Variants in GRK5 observed in about 807,000 individuals in gnomAD.
The protein encoded by GRK5 is G protein-coupled receptor kinase 5.
A neutral mutation model predicts 78.4 loss-of-function variants in GRK5; 40 were observed. That is an observed-to-expected ratio of 0.51 (90% CI 0.40 to 0.66). The LOEUF is 0.66. Ranked by LOEUF, GRK5 falls within the 30% of genes least tolerant of loss-of-function variation. GRK5 has a pLI of 0.00. For missense variants in GRK5, 598 were observed against 759.9 expected (o/e 0.79, Z 2.50); for synonymous variants, 289 against 296.8 (o/e 0.97, Z 0.27).
At chr10:119,221,235 C>T (rs573038482) in intron 1 of GRK5, among the ~76,000 whole-genome samples, 1 of 152,172 alleles carries the variant, frequency 6.6e-6, no homozygotes, top group Non-Finnish European at 1.5e-5. Context: ...AATCCCACCA[C>T]TCAGAAATAA....
At position 119,387,703 on chromosome 10, in the gene GRK5, T is replaced by C. The variant is rs573319795; in HGVS notation, c.261+6776T>C. 3.3e-5 allele frequency among the ~76,000 whole-genome samples: 5 copies of C among 152,344 alleles called. No individual in the cohort carries two copies. In the East Asian group the frequency reaches 9.6e-4, roughly 29 times the overall value. ...CTGTTCCCTGGGAGCCTTGACCACA[T>C]GCTGGCTCATTTGAAACCATCTTAT... On this transcript the variant is annotated intron_variant, in intron 3 of 15. Transcript: ENST00000392870.
At chr10:119,287,807 C>A (rs987524427) in intron 1 of GRK5, among the ~76,000 whole-genome samples, 6 of 152,200 alleles carry the variant, frequency 3.9e-5, no homozygotes, top group Middle Eastern at 3.2e-3. Flanking sequence ...GATGTGTGTG[C>A]AAGGCTGGCA....
chr10:119,305,995 G>T (rs180839097), intron 1 of GRK5, among the ~76,000 whole-genome samples: 3 of 152,286 alleles, frequency 2.0e-5, no homozygotes, highest in African/African-American at 7.2e-5. Context: ...AGCCACCCCT[G>T]AGACCATGGA....
In GRK5 at chr10:119,368,014, T is replaced by G. The variant is rs1470773294; in HGVS notation, c.149-12801T>G. On this transcript the variant is annotated intron_variant, in intron 2 of 15. Transcript: ENST00000392870. ...GTCTGCCTGGAAGCTGCTATTTGCC[T>G]TGGTCCCTGGCTTGCCCAGCCGTTT... is the stretch of plus-strand genomic sequence containing the variant. Among the ~76,000 whole-genome samples the G allele has an allele frequency of 2.0e-5, 3 of 152,224 alleles. No homozygotes were observed. In the East Asian group the frequency reaches 5.8e-4, roughly 29 times the overall value.
chr10:119,439,731 A>C lies in GRK5; in HGVS notation c.930A>C (p.Arg310=). ...EDLHRENTVY[R]DLKPENILLD... ...TGATGCTTGTTGTTTTTCCTTTCAGAGATCTGAAACCTGAAAACATCCTGT... is the reference window on the plus strand; with the variant it reads ...TGATGCTTGTTGTTTTTCCTTTCAGCGATCTGAAACCTGAAAACATCCTGT... The change falls in exon 10 of 16, where the codon CGA becomes CGC. Residue 310 remains arginine, a splice_region_variant and synonymous_variant. Transcript: ENST00000392870. The C allele has an allele frequency of 6.2e-7, 1 of 1,614,016 alleles. No homozygotes were observed. Among genetic ancestry groups the C allele is most frequent in the South Asian group, 1.1e-5 (1 of 91,078 alleles).
intron 3 of GRK5, among the ~76,000 whole-genome samples, chr10:119,394,894 G>A (rs1429592757): frequency 6.6e-6 from 1 of 150,632 alleles, no homozygotes; most frequent in East Asian, 2.0e-4. Flanking sequence ...AGGGGGCACA[G>A]AGGAAGAAAA....
intron 3 of GRK5, among the ~76,000 whole-genome samples, chr10:119,390,804 G>A (rs1447422369): frequency 6.6e-6 from 1 of 152,096 alleles, no homozygotes; most frequent in Non-Finnish European, 1.5e-5. Flanking sequence ...CCACCACCGG[G>A]TCCTTCCCAC....
chr10:119,387,863 A>T (rs1438515081), intron 3 of GRK5, among the ~76,000 whole-genome samples: 1 of 152,150 alleles, frequency 6.6e-6, no homozygotes, highest in Non-Finnish European at 1.5e-5. Context: ...CTGTTCTAGC[A>T]GTTGGGAGAA....
Position 119,275,164 on chromosome 10 carries a change from A to G in GRK5, c.53-51352A>G, listed in dbSNP as rs142738512. On this transcript the variant is annotated intron_variant, in intron 1 of 15. Transcript: ENST00000392870. ...CTCTATTACTACCCTCATGAGTGTG[A>G]TGGTTTTATTACCACCAGAGTGAAG... 8.0e-4 allele frequency among the ~76,000 whole-genome samples: 122 copies of G among 152,236 alleles called. 1 individual carries two copies. The highest frequency in any genetic ancestry group is 2.8e-3 in the African/African-American group (117 of 41,522).
intron 1 of GRK5, among the ~76,000 whole-genome samples, chr10:119,260,188 A>T (rs887677400): frequency 1.3e-5 from 2 of 152,026 alleles, no homozygotes; most frequent in African/African-American, 4.8e-5. Context: ...TTTTTAGTAG[A>T]GATGGGGTTT....
chr10:119,403,881 C>A (rs1396890294), intron 4 of GRK5, among the ~76,000 whole-genome samples: 1 of 152,194 alleles, frequency 6.6e-6, no homozygotes, highest in Non-Finnish European at 1.5e-5. Flanking sequence ...GTGATCCACC[C>A]TCCTTAGTTT....
chr10:119,261,653 T>C (rs1488004912), intron 1 of GRK5, among the ~76,000 whole-genome samples: 1 of 151,942 alleles, frequency 6.6e-6, no homozygotes, highest in Admixed American at 6.6e-5. Flanking sequence ...TCCCGGCACC[T>C]CGGGAGGCCG....
intron 2 of GRK5, among the ~76,000 whole-genome samples, chr10:119,356,317 C>A (rs1324120524): frequency 6.6e-6 from 1 of 152,214 alleles, no homozygotes; most frequent in Non-Finnish European, 1.5e-5. Context: ...TTGCTTAGAC[C>A]TTCTTCCTTA....
chr10:119,267,866 C>A lies in GRK5; in HGVS notation c.53-58650C>A, dbSNP rs980692211. Among the ~76,000 whole-genome samples, 7 of 152,154 alleles carry A rather than the reference C, an allele frequency of 4.6e-5. No homozygotes were observed. The highest frequency in any genetic ancestry group is 7.4e-5 in the Non-Finnish European group (5 of 68,026). On this transcript the variant is annotated intron_variant, in intron 1 of 15. Coordinates refer to ENST00000392870, the MANE Select transcript of GRK5 (RefSeq NM_005308.3). This position sits in a 1 kb window ranked among gnomAD's most constrained non-coding sequence, Gnocchi z 4.1. ...CAGCTCCTCCACACTCCCCACCCCC[C>A]ACAGCCCAGCCAGGTCCAAAACCCT...
chr10:119,267,551 G>A lies in GRK5; in HGVS notation c.53-58965G>A, dbSNP rs1006647895. Among the ~76,000 whole-genome samples the A allele has an allele frequency of 1.3e-5, 2 of 152,224 alleles. No individual in the cohort carries two copies. Among genetic ancestry groups the A allele is most frequent in the Non-Finnish European group, 1.5e-5 (1 of 68,030 alleles). On this transcript the variant is annotated intron_variant, in intron 1 of 15. Coordinates refer to ENST00000392870, the MANE Select transcript of GRK5 (RefSeq NM_005308.3). This position sits in a 1 kb window ranked among gnomAD's most constrained non-coding sequence, Gnocchi z 4.1. ...GGTTGGGCAGCCCTCTCCACAGGATGGCAAGGGGCTGGAGGCTCAGCGGAC... is the reference window on the plus strand; with the variant it reads ...GGTTGGGCAGCCCTCTCCACAGGATAGCAAGGGGCTGGAGGCTCAGCGGAC...
intron 1 of GRK5, 90 bp from the exon 2 acceptor site, chr10:119,326,426 C>T: frequency 9.6e-7 from 1 of 1,047,058 alleles, no homozygotes; most frequent in East Asian, 2.5e-5. Context: ...CCCTCTGTCT[C>T]TCAGCCCAGG....
chr10:119,311,616 T>C (rs1383068938), intron 1 of GRK5, among the ~76,000 whole-genome samples: 1 of 152,002 alleles, frequency 6.6e-6, no homozygotes, highest in Non-Finnish European at 1.5e-5. Flanking sequence ...CAAAACCCCA[T>C]CTCTACTAAA....
chr10:119,235,542 T>C (rs1589693643), intron 1 of GRK5, among the ~76,000 whole-genome samples: 1 of 152,126 alleles, frequency 6.6e-6, no homozygotes, highest in Non-Finnish European at 1.5e-5. Context: ...TGTTTTTTCA[T>C]TGAGGGCCCC....
At chr10:119,331,636 G>T (rs1850781364) in intron 2 of GRK5, among the ~76,000 whole-genome samples, 1 of 152,224 alleles carries the variant, frequency 6.6e-6, no homozygotes, top group African/African-American at 2.4e-5. Flanking sequence ...CCATGAGAAG[G>T]CTCTTGATCA....
Sources: allele counts gnomAD v4.1 joint callset (sites outside exome capture counted in the v4.1 genomes callset), GRCh38; gene constraint gnomAD v4.1.1; non-coding constraint Gnocchi (gnomAD v3.1); transcripts MANE v1.5; gene names NCBI Gene and HGNC (gene_info 2026-07-23, HGNC 2026-07-21).